NAA15: variants seen among roughly 807,000 people sequenced by gnomAD.
NAA15 encodes N-alpha-acetyltransferase 15, NatA auxiliary subunit.
In NAA15, 34 loss-of-function variants were observed where a neutral mutation model predicts 114.0. The observed-to-expected ratio is 0.30, with a 90% CI of 0.23 to 0.40. NAA15 has a LOEUF of 0.40. NAA15 is among the 10% of genes least tolerant of loss of function. The pLI, the probability that NAA15 is intolerant of heterozygous loss-of-function variation, is 1.00. For synonymous variants in NAA15, 340 were observed against 338.0 expected (o/e 1.01, Z -0.06); for missense variants, 658 against 1,004.5 (o/e 0.66, Z 4.66).
chr4:139,316,611 G>A (rs925070634), intron 1 of NAA15, among the ~76,000 whole-genome samples: 2 of 151,806 alleles, frequency 1.3e-5, no homozygotes, highest in African/African-American at 2.4e-5. Context: ...ATGTGTTTTC[G>A]TCTGCCCAAG....
At chr4:139,367,971 C>T (rs1748330740) in intron 14 of NAA15, among the ~76,000 whole-genome samples, 1 of 151,314 alleles carries the variant, frequency 6.6e-6, no homozygotes, top group Non-Finnish European at 1.5e-5. Context: ...TCTGCAGCCT[C>T]CTCAAAGTCT....
rs1748992130 is a variant in NAA15, at chr4:139,389,430, G to A, written c.*1346G>A. ...AATATGCTGTAAGGCTAGTGCAGAT[G>A]GGAGCTTTTTAGAAGGGGCTAAGTG... On this transcript the variant is annotated 3_prime_UTR_variant, in exon 20 of 20. Coordinates refer to ENST00000296543, the MANE Select transcript of NAA15 (RefSeq NM_057175.5). The A allele has an allele frequency of 6.6e-6, 1 of 152,566 alleles. No individual in the cohort carries two copies. The highest frequency in any genetic ancestry group is 2.1e-4 in the South Asian group (1 of 4,826). 9.5% of individuals were successfully genotyped at this position (152,566 alleles called of 1,614,324 possible).
intron 1 of NAA15, 158 bp downstream of exon 1, chr4:139,301,989 T>C: frequency 1.3e-6 from 1 of 742,212 alleles, no homozygotes; most frequent in Non-Finnish European, 2.1e-6. Flanking sequence ...TCCCTCTCTG[T>C]GGTTCCTACT....
chr4:139,329,993 G>C (rs1746947841), intron 1 of NAA15, among the ~76,000 whole-genome samples: 1 of 152,132 alleles, frequency 6.6e-6, no homozygotes, highest in South Asian at 2.1e-4. Context: ...TCACAGTCTT[G>C]CGCCACCTGT....
rs1290017754 is a variant in NAA15, at chr4:139,351,110, T to C, written c.812-81T>C. 4 of 609,444 alleles carry C rather than the reference T, an allele frequency of 6.6e-6. No homozygotes were observed. The Admixed American group carries it at 1.4e-4, about 21-fold the overall frequency. 37.8% of individuals were successfully genotyped at this position (609,444 alleles called of 1,614,324 possible). Reference sequence around the variant, plus strand: ...TCTTTTAAATATTAGAATTTTAATATACTTTGAGAAGTTCGTAATTTTCCA... The same window carrying C: ...TCTTTTAAATATTAGAATTTTAATACACTTTGAGAAGTTCGTAATTTTCCA... On this transcript the variant is annotated intron_variant, in intron 7 of 19. Coordinates refer to ENST00000296543, the MANE Select transcript of NAA15 (RefSeq NM_057175.5).
Position 139,301,787 on chromosome 4 carries a change from G to T in NAA15, c.10G>T (p.Val4Leu), listed in dbSNP as rs1745763302. MPA[V>L]SLPPKENALF... ...GGGAGCAGCCGGAACGATGCCGGCC[G>T]TGAGCCTCCCGCCCAAGGAGAATGC... The change falls in exon 1 of 20, where the codon GTG becomes TTG. Residue 4 changes from valine (V) to leucine (L), a missense_variant. Physicochemically the swap from Val to Leu is conservative, Grantham distance 32. Coordinates refer to ENST00000296543, the MANE Select transcript of NAA15 (RefSeq NM_057175.5). The T allele has an allele frequency of 1.3e-6, 2 of 1,581,734 alleles. No individual in the cohort carries two copies. Among genetic ancestry groups the T allele is most frequent in the Non-Finnish European group, 1.7e-6 (2 of 1,163,430 alleles).
intron 16 of NAA15, among the ~76,000 whole-genome samples, chr4:139,377,917 A>G (rs1361726008): frequency 1.3e-5 from 2 of 152,232 alleles, no homozygotes; most frequent in African/African-American, 4.8e-5. Flanking sequence ...AGGGAAGGGC[A>G]ATCTAAAGCC....
At chr4:139,367,034 C>T (rs1748303743) in intron 14 of NAA15, among the ~76,000 whole-genome samples, 1 of 152,190 alleles carries the variant, frequency 6.6e-6, no homozygotes, top group Non-Finnish European at 1.5e-5. Flanking sequence ...TGAAGCAGCT[C>T]CTTGAGTATA....
chr4:139,390,407 G>A lies in NAA15; in HGVS notation c.*2323G>A, dbSNP rs1490122545. 1 of 152,578 alleles carries A rather than the reference G, an allele frequency of 6.6e-6. No homozygotes were observed. Among genetic ancestry groups the A allele is most frequent in the Non-Finnish European group, 1.5e-5 (1 of 68,020 alleles). 9.5% of individuals were successfully genotyped at this position (152,578 alleles called of 1,614,324 possible). A position where few individuals can be genotyped will look rare whatever the true frequency, so the allele number is the denominator to read the frequency against. On this transcript the variant is annotated 3_prime_UTR_variant, in exon 20 of 20. Transcript: ENST00000296543. ...GTACTGTACTATCTTGCTCTGAGTA[G>A]TATCAACTGGATCGTCTCATATTTG...
At chr4:139,340,357 A>G (rs1211260774) in intron 3 of NAA15, among the ~76,000 whole-genome samples, 1 of 152,152 alleles carries the variant, frequency 6.6e-6, no homozygotes, top group African/African-American at 2.4e-5. Flanking sequence ...TTACGGTTAA[A>G]TGAATGAATG....
intron 1 of NAA15, among the ~76,000 whole-genome samples, chr4:139,322,039 G>A (rs1746635637): frequency 6.6e-6 from 1 of 152,094 alleles, no homozygotes; most frequent in Non-Finnish European, 1.5e-5. Flanking sequence ...TCTTAATAGA[G>A]TTTTGTTTTG....
intron 15 of NAA15, among the ~76,000 whole-genome samples, chr4:139,373,689 GGTTT>G (rs1314903845): frequency 2.0e-5 from 3 of 150,262 alleles, no homozygotes; most frequent in Non-Finnish European, 3.0e-5. Context: ...GCATTTTGTT[GGTTT>G]GTTTGTTTGC....
At chr4:139,319,564 C>T (rs887283155) in intron 1 of NAA15, among the ~76,000 whole-genome samples, 5 of 151,986 alleles carry the variant, frequency 3.3e-5, no homozygotes, top group Non-Finnish European at 5.9e-5. Flanking sequence ...GCCTCGTGGG[C>T]GGCTGGGATT....
intron 14 of NAA15, among the ~76,000 whole-genome samples, chr4:139,362,473 A>C (rs1342314716): frequency 6.6e-6 from 1 of 152,060 alleles, no homozygotes; most frequent in African/African-American, 2.4e-5. Flanking sequence ...GGGTTTCACC[A>C]TGTTGTCCAG....
chr4:139,333,315 T>G (rs1234264074), intron 1 of NAA15, among the ~76,000 whole-genome samples: 1 of 152,232 alleles, frequency 6.6e-6, no homozygotes, highest in Non-Finnish European at 1.5e-5. Context: ...CGTATATTTG[T>G]CTTCTAGATT....
chr4:139,341,593 C>CAAAAAAAAAAAAAAA (rs751688160), intron 4 of NAA15, among the ~76,000 whole-genome samples: 1 of 14,426 alleles, frequency 6.9e-5, no homozygotes, highest in Non-Finnish European at 1.3e-4. Flanking sequence ...AACTCTGTCT[C>CAAAAAAAAAAAAAAA]AAAAAAAAAA....
At chr4:139,310,878 C>T (rs1333334555) in intron 1 of NAA15, among the ~76,000 whole-genome samples, 1 of 151,808 alleles carries the variant, frequency 6.6e-6, no homozygotes, top group Non-Finnish European at 1.5e-5. Flanking sequence ...CTCGGCCTCC[C>T]AAAATGCTGG....
chr4:139,328,084 G>A (rs1293667625), intron 1 of NAA15, among the ~76,000 whole-genome samples: 1 of 151,102 alleles, frequency 6.6e-6, no homozygotes, highest in East Asian at 1.9e-4. Flanking sequence ...CATTGAGGTG[G>A]TTTCTGTTGC....
rs758470231 is a variant in NAA15 at position 139,376,354 on chromosome 4, A to C, written c.1948-11A>C. 5 of 1,505,152 alleles carry C rather than the reference A, an allele frequency of 3.3e-6. No homozygotes were observed. Among genetic ancestry groups the C allele is most frequent in the Middle Eastern group, 1.7e-4 (1 of 5,802 alleles). 93.2% of individuals were successfully genotyped at this position (1,505,152 alleles called of 1,614,324 possible). A position where few individuals can be genotyped will look rare whatever the true frequency, so the allele number is the denominator to read the frequency against. ...TAGTTTCATTTGTATAATATCTTTT[A>C]TTTTTGTTAGGTTGAAACTCCATTG... On this transcript the variant is annotated splice_polypyrimidine_tract_variant and intron_variant, in intron 15 of 19. Transcript: ENST00000296543.
Sources: gnomAD v4.1 joint callset for allele counts (sites outside exome capture counted in the v4.1 genomes callset) on GRCh38, gnomAD v4.1.1 for gene constraint, MANE v1.5 for transcripts, NCBI Gene and HGNC (gene_info 2026-07-23, HGNC 2026-07-21) for gene names.